Variants in LRRFIP2 observed in about 807,000 individuals in gnomAD.
LRRFIP2 encodes the protein LRR binding FLII interacting protein 2.
A neutral mutation model predicts 125.9 loss-of-function variants in LRRFIP2; 109 were observed. That is an observed-to-expected ratio of 0.87 (90% CI 0.74 to 1.01). The LOEUF (loss-of-function observed/expected upper bound fraction) is 1.01. LRRFIP2 is among the 50% of genes least tolerant of loss of function. LRRFIP2 has a pLI of 0.00. For missense variants in LRRFIP2, 850 were observed against 862.3 expected, an observed-to-expected ratio of 0.99 and a Z score of 0.18; for synonymous variants, 291 against 293.1, an observed-to-expected ratio of 0.99 and a Z score of 0.07.
rs776201991 is a variant in LRRFIP2, at chr3:37,072,931, G to A, written c.1372-49C>T. 6.6e-5 allele frequency: 82 copies of A among 1,250,410 alleles called. 2 individuals carry two copies. The South Asian group carries it at 1.0e-3, about 16-fold the overall frequency. 77.5% of individuals were successfully genotyped at this position (1,250,410 alleles called of 1,614,324 possible). A position where few individuals can be genotyped will look rare whatever the true frequency, so the allele number is the denominator to read the frequency against. ...AGTAATAAAAGAGCAGAAAGAAAAG[G>A]GAGAGGAGGTTTGAGGGAGGAAACA... On this transcript the variant is annotated intron_variant, in intron 20 of 27. Transcript: ENST00000336686.
intron 18 of LRRFIP2, 122 bp from the exon 19 acceptor site, chr3:37,083,928 T>C: frequency 1.5e-6 from 1 of 682,820 alleles, no homozygotes; most frequent in East Asian, 3.3e-5. Flanking sequence ...ATACAAGCGG[T>C]TTGGGGAACT....
intron 2 of LRRFIP2, among the ~76,000 whole-genome samples, chr3:37,141,338 T>C (rs1416297349): frequency 6.6e-6 from 1 of 152,192 alleles, no homozygotes; most frequent in African/African-American, 2.4e-5. Context: ...CTTTCATGAT[T>C]GGTCCCTATT....
At chr3:37,151,754 T>C (rs773106061) in intron 1 of LRRFIP2, among the ~76,000 whole-genome samples, 4 of 152,098 alleles carry the variant, frequency 2.6e-5, no homozygotes, top group African/African-American at 7.2e-5. Flanking sequence ...TATGCCACCA[T>C]GCCCAGCGAA....
In LRRFIP2 at chr3:37,108,168, T is replaced by C. The variant is rs775649693; in HGVS notation, c.658-39A>G. On this transcript the variant is annotated intron_variant, in intron 12 of 27. Transcript: ENST00000336686. ...AAGAAGAAAGGTTTTACAACAATGA[T>C]CACCTCATTATTCTAATGAGAATAC... is the stretch of plus-strand genomic sequence containing the variant. 1.0e-5 allele frequency: 15 copies of C among 1,486,638 alleles called. No individual in the cohort carries two copies. The East Asian group carries it at 3.4e-4, about 34-fold the overall frequency. The allele number at this position is 1,486,638 out of a possible 1,614,324, so 92.1% of individuals were successfully genotyped here.
rs756666503 is a variant in LRRFIP2 at position 37,151,179 on chromosome 3, C to T, written c.-55-2141G>A. ...TTCAAGACCAGTCTGGCCAACATGGCGAAACCCCATCTCTACTAAAAATAC... is the reference window on the plus strand; with the variant it reads ...TTCAAGACCAGTCTGGCCAACATGGTGAAACCCCATCTCTACTAAAAATAC... On this transcript the variant is annotated intron_variant, in intron 1 of 27. Coordinates refer to ENST00000336686, the MANE Select transcript of LRRFIP2 (RefSeq NM_006309.4). Among the ~76,000 whole-genome samples, 7 of 152,016 alleles carry T rather than the reference C, an allele frequency of 4.6e-5. No individual in the cohort carries two copies. In the South Asian group the frequency reaches 1.2e-3, roughly 27 times the overall value.
rs1244142566 is a variant in LRRFIP2, at chr3:37,103,048, G to A, written c.784-35C>T. On this transcript the variant is annotated intron_variant, in intron 14 of 27. Transcript: ENST00000336686. Reference sequence around the variant, plus strand: ...AGAAAAAAAACAAGATGCTTTCAAGGTTAAGAAAAAAGAAAGAAAAAAATA... The same window carrying A: ...AGAAAAAAAACAAGATGCTTTCAAGATTAAGAAAAAAGAAAGAAAAAAATA... 5.5e-6 allele frequency: 8 copies of A among 1,464,084 alleles called. No homozygotes were observed. The Admixed American group carries it at 1.7e-4, about 31-fold the overall frequency. The allele number at this position is 1,464,084 out of a possible 1,614,324, so 90.7% of individuals were successfully genotyped here.
intron 17 of LRRFIP2, among the ~76,000 whole-genome samples, chr3:37,092,073 G>A (rs1333412796): frequency 1.3e-5 from 2 of 152,126 alleles, no homozygotes; most frequent in African/African-American, 2.4e-5. Context: ...GGGAGTAAAG[G>A]GAGGGAAGTT....
chr3:37,154,033 G>C lies in LRRFIP2; in HGVS notation c.-55-4995C>G, dbSNP rs562740769. Among the ~76,000 whole-genome samples the C allele has an allele frequency of 4.3e-4, 55 of 126,582 alleles. No homozygotes were observed. In the Middle Eastern group the frequency reaches 0.012, roughly 27 times the overall value. The allele number at this position is 126,582 out of a possible 152,430, so 83.0% of individuals were successfully genotyped here. A position where few individuals can be genotyped will look rare whatever the true frequency, so the allele number is the denominator to read the frequency against. On this transcript the variant is annotated intron_variant, in intron 1 of 27. Coordinates refer to ENST00000336686, the MANE Select transcript of LRRFIP2 (RefSeq NM_006309.4). The stretch of plus-strand genomic sequence containing the variant: ...CTTTACAAAAAAAAAAAATTATCCA[G>C]ACATGTTGACGAACACCTGTAGTCC...
chr3:37,137,385 C>T (rs1293214852), intron 2 of LRRFIP2, among the ~76,000 whole-genome samples: 1 of 152,168 alleles, frequency 6.6e-6, no homozygotes, highest in African/African-American at 2.4e-5. Context: ...TCCTAAGAAT[C>T]TTACTTCAGT....
intron 19 of LRRFIP2, among the ~76,000 whole-genome samples, chr3:37,080,033 C>T (rs768096444): frequency 4.6e-5 from 7 of 152,104 alleles, no homozygotes. Flanking sequence ...ATACTAAAAA[C>T]CACTGAATTG....
rs200527733 is a variant in LRRFIP2, at chr3:37,121,643, G to T, written c.277C>A (p.Pro93Thr). The T allele has an allele frequency of 6.2e-7, 1 of 1,614,158 alleles. No individual in the cohort carries two copies. The highest frequency in any genetic ancestry group is 1.3e-5 in the African/African-American group (1 of 75,032). Reference protein sequence around the residue: ...RYSHRSSHHRPYLGVEDALSI... With the variant: ...RYSHRSSHHRTYLGVEDALSI... The stretch of plus-strand genomic sequence containing the variant: ...TATAGGTTATTACAAACCAGATAAG[G>T]ACGATGGTGACTGGACCGGTGGGAA... Residue 93 changes from proline (P) to threonine (T), a missense_variant, in exon 5 of 28, where the codon CCT becomes ACT. Transcript: ENST00000336686.
chr3:37,103,392 ACT>A (rs1158511464), intron 14 of LRRFIP2, among the ~76,000 whole-genome samples: 1 of 152,080 alleles, frequency 6.6e-6, no homozygotes, highest in Non-Finnish European at 1.5e-5. Context: ...ATAGCTATCA[ACT>A]CTGTTAAGAA....
chr3:37,175,980 G>A (rs1053750081), upstream of LRRFIP2: 1 of 152,220 alleles, frequency 6.6e-6, no homozygotes, highest in Admixed American at 6.5e-5. Context: ...CGGATCCCAC[G>A]GGACTGCGGA....
chr3:37,094,787 T>C lies in LRRFIP2; in HGVS notation c.1035+5A>G. The C allele has an allele frequency of 6.2e-7, 1 of 1,604,808 alleles. No homozygotes were observed. Among genetic ancestry groups the C allele is most frequent in the South Asian group, 1.1e-5 (1 of 90,702 alleles). On this transcript the variant is annotated splice_donor_5th_base_variant and intron_variant, in intron 17 of 27. Transcript: ENST00000336686. The stretch of plus-strand genomic sequence containing the variant: ...TTAAAAAGAAAACCAAAAACTTCAG[T>C]TTACCCGCAATTCACTTAATGAAGT...
rs1300753442 is a variant in LRRFIP2, at chr3:37,060,370, A to G, written c.1750-1460T>C. On this transcript the variant is annotated intron_variant, in intron 24 of 27. Coordinates refer to ENST00000336686, the MANE Select transcript of LRRFIP2 (RefSeq NM_006309.4). This position sits in a 1 kb window ranked among gnomAD's most constrained non-coding sequence, Gnocchi z 4.1. ...GTGGCCCAGACTGGAGTGCAGTGGC[A>G]TGATCTCAGCTCACTGCAACCTCCG... is the stretch of plus-strand genomic sequence containing the variant. 1.3e-5 allele frequency among the ~76,000 whole-genome samples: 2 copies of G among 152,098 alleles called. No individual in the cohort carries two copies. The highest frequency in any genetic ancestry group is 4.8e-5 in the African/African-American group (2 of 41,410).
intron 7 of LRRFIP2, among the ~76,000 whole-genome samples, chr3:37,113,530 G>A (rs1414858783): frequency 6.6e-6 from 1 of 151,990 alleles, no homozygotes; most frequent in African/African-American, 2.4e-5. Context: ...TTGAACTCTT[G>A]GCCTCAAGTG....
Position 37,072,828 on chromosome 3 carries a change from G to A in LRRFIP2, c.1426C>T (p.Leu476Phe), listed in dbSNP as rs368050368. 5 of 1,613,098 alleles carry A rather than the reference G, an allele frequency of 3.1e-6. No homozygotes were observed. The African/African-American group carries it at 5.3e-5, about 17-fold the overall frequency. ...TCTTTCCAAAGAAGTGTCTCCTGGA[G>A]GTCAAACACCTCTTTTGTCATGGTG... ...IDTMTKEVFD[L>F]QETLLWKDKK... is the part of the protein sequence containing the mutation. The change falls in exon 21 of 28, where the codon CTC (leucine) becomes TTC (phenylalanine). Residue 476 changes from leucine to phenylalanine, a missense_variant. Physicochemically the swap from Leu to Phe is conservative, Grantham distance 22 (BLOSUM62 0). Transcript: ENST00000336686.
rs377374927 is a variant in LRRFIP2, at chr3:37,065,763, C to T, written c.1699+47G>A. ...CTGGGATATGAAAAAGCAGAAAACC[C>T]AATAGGGTAACATTAATCCAAGTCA... On this transcript the variant is annotated intron_variant, in intron 23 of 27. Transcript: ENST00000336686. 3 of 1,613,408 alleles carry T rather than the reference C, an allele frequency of 1.9e-6. No individual in the cohort carries two copies. In the Admixed American group the frequency reaches 5.0e-5, roughly 27 times the overall value.
At chr3:37,128,044 T>C (rs984495151) in intron 3 of LRRFIP2, among the ~76,000 whole-genome samples, 1 of 152,286 alleles carries the variant, frequency 6.6e-6, no homozygotes, top group East Asian at 1.9e-4. Context: ...CTTCAGCTTA[T>C]CCACTTATTA....
Sources: gnomAD v4.1 joint callset for allele counts (sites outside exome capture counted in the v4.1 genomes callset) on GRCh38, gnomAD v4.1.1 for gene constraint, Gnocchi (gnomAD v3.1) non-coding constraint, MANE v1.5 for transcripts, NCBI Gene and HGNC (gene_info 2026-07-23, HGNC 2026-07-21) for gene names.